Variants in SH3YL1 observed in about 807,000 individuals in gnomAD.
SH3YL1 encodes SH3 and SYLF domain containing 1, also known as SH3 domain-containing YSC84-like protein 1.
SH3YL1 carries 41 observed loss-of-function variants against 45.8 expected under a neutral mutation model. The observed-to-expected ratio is 0.89, with a 90% confidence interval of 0.70 to 1.16. The LOEUF (loss-of-function observed/expected upper bound fraction) is 1.16, where lower values mean the gene tolerates loss of function less well. SH3YL1 is among the 50% of genes most tolerant of loss of function. SH3YL1 has a pLI of 0.00. For missense variants in SH3YL1, 389 were observed against 409.6 expected, an observed-to-expected ratio of 0.95 and a Z score of 0.43; for synonymous variants, 152 against 151.4, an observed-to-expected ratio of 1.00 and a Z score of -0.03.
chr2:238,469 C>G (rs569082212), intron 4 of SH3YL1, among the ~76,000 whole-genome samples: 128 of 152,238 alleles, frequency 8.4e-4, no homozygotes, highest in African/African-American at 2.9e-3. Context: ...AACTTAAACC[C>G]AAATACCTTC....
chr2:225,886 T>C (rs747715699), intron 8 of SH3YL1, among the ~76,000 whole-genome samples: 16 of 152,098 alleles, frequency 1.1e-4, no homozygotes, highest in African/African-American at 3.6e-4. Flanking sequence ...TCTCAACAAA[T>C]GGAAAGCATG....
In SH3YL1 at chr2:218,689, G is replaced by T; in HGVS notation, c.*122C>A. On this transcript the variant is annotated 3_prime_UTR_variant, in exon 10 of 10. Transcript: ENST00000356150. ...AGAAAAACAAAATCTTTTACATACG[G>T]AATGGAAATTTTGTAGAACAGAAGT... The T allele has an allele frequency of 2.5e-6, 2 of 814,058 alleles. No homozygotes were observed. Among genetic ancestry groups the T allele is most frequent in the Non-Finnish European group, 3.7e-6 (2 of 539,708 alleles). 50.4% of individuals were successfully genotyped at this position (814,058 alleles called of 1,614,324 possible).
At chr2:251,214 A>G (rs1289579427) in intron 2 of SH3YL1, among the ~76,000 whole-genome samples, 1 of 152,244 alleles carries the variant, frequency 6.6e-6, no homozygotes, top group Admixed American at 6.5e-5. Flanking sequence ...GAATGTACCA[A>G]TTATAGATTT....
Position 229,959 on chromosome 2 carries a change from T to C in SH3YL1, c.781+7A>G, listed in dbSNP as rs1352733282. 2 of 1,608,960 alleles carry C rather than the reference T, an allele frequency of 1.2e-6. No individual in the cohort carries two copies. The highest frequency in any genetic ancestry group is 1.7e-6 in the Non-Finnish European group (2 of 1,175,950). The stretch of plus-strand genomic sequence containing the variant: ...AACTGTATTTGAATTGCAACAAAAA[T>C]ATTTACTTTGAGAGCCAGAGTTCAG... On this transcript the variant is annotated splice_region_variant and intron_variant, in intron 8 of 9. Transcript: ENST00000356150.
chr2:224,806 A>G, intron 9 of SH3YL1, 58 bp downstream of exon 9: 1 of 1,243,186 alleles, frequency 8.0e-7, no homozygotes, highest in Non-Finnish European at 1.2e-6. Flanking sequence ...TTAATTAGGA[A>G]GTTTGTGATC....
intron 1 of SH3YL1, among the ~76,000 whole-genome samples, chr2:262,947 TAGAC>T (rs1425699925): frequency 9.9e-5 from 15 of 152,168 alleles, no homozygotes; most frequent in African/African-American, 2.7e-4. Context: ...TCAAACATGA[TAGAC>T]AGGATGGAGG....
intron 1 of SH3YL1, 72 bp from the exon 2 acceptor site, chr2:253,187 T>G: frequency 2.3e-6 from 2 of 876,452 alleles, no homozygotes; most frequent in Non-Finnish European, 3.5e-6. Flanking sequence ...TATTATTTCA[T>G]TCTTCTCATA....
intron 4 of SH3YL1, chr2:242,784 A>G (rs374700936): frequency 1.2e-4 from 191 of 1,537,166 alleles, no homozygotes; most frequent in Non-Finnish European, 1.6e-4. Context: ...GACACGCTTT[A>G]GATTCAAAGT....
At position 218,541 on chromosome 2, in the gene SH3YL1, C is replaced by A. The variant is rs931082690; in HGVS notation, c.*270G>T. On this transcript the variant is annotated 3_prime_UTR_variant, in exon 10 of 10. Coordinates refer to ENST00000356150, the MANE Select transcript of SH3YL1 (RefSeq NM_015677.4). ...ATACATGGCCAGATCAAATGCTTAG[C>A]GATGTTTGAAGTGTTCACAAGAGAA... is the stretch of plus-strand genomic sequence containing the variant. 10 of 295,306 alleles carry A rather than the reference C, an allele frequency of 3.4e-5. No individual in the cohort carries two copies. The highest frequency in any genetic ancestry group is 6.1e-5 in the Non-Finnish European group (10 of 162,984). The allele number at this position is 295,306 out of a possible 1,614,324, so 18.3% of individuals were successfully genotyped here.
At chr2:228,404 G>T (rs1232458840) in intron 8 of SH3YL1, among the ~76,000 whole-genome samples, 1 of 152,134 alleles carries the variant, frequency 6.6e-6, no homozygotes, top group Non-Finnish European at 1.5e-5. Context: ...AATTATTAAC[G>T]GAAAGGAATT....
intron 1 of SH3YL1, chr2:263,427 C>A (rs1433024267): frequency 6.4e-6 from 1 of 156,490 alleles, no homozygotes; most frequent in African/African-American, 2.4e-5. Context: ...TCAGAGAGGA[C>A]CCGTGCTCGC....
chr2:262,395 A>G lies in SH3YL1; in HGVS notation c.1+1589T>C, dbSNP rs955564189. 6 of 299,984 alleles carry G rather than the reference A, an allele frequency of 2.0e-5. No individual in the cohort carries two copies. The Admixed American group carries it at 2.9e-4, about 15-fold the overall frequency. The allele number at this position is 299,984 out of a possible 1,614,324, so 18.6% of individuals were successfully genotyped here. A position where few individuals can be genotyped will look rare whatever the true frequency, so the allele number is the denominator to read the frequency against. The stretch of plus-strand genomic sequence containing the variant: ...CCCAGGCTGTGGCTGGGGAAGGAAG[A>G]GGACAGCGAAAGCTTTCTCTGCTCC... On this transcript the variant is annotated intron_variant, in intron 1 of 9. Transcript: ENST00000356150.
intron 1 of SH3YL1, 71 bp from the exon 2 acceptor site, chr2:253,186 ATTC>A: frequency 1.1e-6 from 1 of 873,340 alleles, no homozygotes; most frequent in Non-Finnish European, 1.8e-6. Context: ...TTATTATTTC[ATTC>A]TTCTCATATA....
In SH3YL1 at chr2:262,674, CAG is replaced by C. The variant is rs1369127148; in HGVS notation, c.1+1308_1+1309del. The C allele has an allele frequency of 2.3e-6, 3 of 1,304,076 alleles. No individual in the cohort carries two copies. In the Admixed American group the frequency reaches 6.9e-5, roughly 30 times the overall value. 80.8% of individuals were successfully genotyped at this position (1,304,076 alleles called of 1,614,324 possible). ...GCACAGGGACTTGTGAGGCTCTCAG[CAG>C]AGTCAGGGTAGCAGTTATTTCCCTT... On this transcript the variant is annotated intron_variant, in intron 1 of 9. Coordinates refer to ENST00000356150, the MANE Select transcript of SH3YL1 (RefSeq NM_015677.4).
At position 255,772 on chromosome 2, in the gene SH3YL1, T is replaced by C. The variant is rs185834265; in HGVS notation, c.2-2657A>G. The stretch of plus-strand genomic sequence containing the variant: ...GATTCATCAATGGTATTAAGTCAGA[T>C]AGAGGAAGGTATTTCCACAGATACT... On this transcript the variant is annotated intron_variant, in intron 1 of 9. Coordinates refer to ENST00000356150, the MANE Select transcript of SH3YL1 (RefSeq NM_015677.4). 2.1e-4 allele frequency: 32 copies of C among 152,326 alleles called. 1 individual carries two copies. The highest frequency in any genetic ancestry group is 6.5e-4 in the African/African-American group (27 of 41,564). The allele number at this position is 152,326 out of a possible 1,614,324, so 9.4% of individuals were successfully genotyped here. A position where few individuals can be genotyped will look rare whatever the true frequency, so the allele number is the denominator to read the frequency against.
At chr2:236,159 TGGGCCAGGGGAGGCAGCAGCAC>T (rs1668293102) in intron 4 of SH3YL1, among the ~76,000 whole-genome samples, 3 of 52,400 alleles carry the variant, frequency 5.7e-5, no homozygotes, top group African/African-American at 2.2e-4. Context: ...GGAGGCAGCA[TGGGCCAGGGGAGGCAGCAGCAC>T]GGGCCAGGGG....
intron 1 of SH3YL1, among the ~76,000 whole-genome samples, chr2:254,998 C>G (rs1364953084): frequency 6.6e-6 from 1 of 152,196 alleles, no homozygotes; most frequent in Non-Finnish European, 1.5e-5. Flanking sequence ...TCTAATCAAT[C>G]TTACATATAT....
At chr2:257,630 T>G (rs777224780) in intron 1 of SH3YL1, among the ~76,000 whole-genome samples, 8 of 152,248 alleles carry the variant, frequency 5.3e-5, no homozygotes, top group East Asian at 1.9e-4. Context: ...TTCTGATTTC[T>G]GTACGTCACT....
intron 3 of SH3YL1, among the ~76,000 whole-genome samples, chr2:248,527 C>A (rs1305574152): frequency 1.3e-5 from 2 of 152,146 alleles, no homozygotes; most frequent in Non-Finnish European, 2.9e-5. Context: ...TTAAATTACT[C>A]TCAGCAGAGT....
Sources: allele counts gnomAD v4.1 joint callset (sites outside exome capture counted in the v4.1 genomes callset), GRCh38; gene constraint gnomAD v4.1.1; transcripts MANE v1.5; gene names NCBI Gene and HGNC (gene_info 2026-07-23, HGNC 2026-07-21).